ARHGAP24: variants seen among roughly 807,000 people sequenced by gnomAD.
ARHGAP24 encodes the protein rho GTPase-activating protein 24.
A neutral mutation model predicts 76.4 loss-of-function variants in ARHGAP24; 50 were observed. The observed-to-expected ratio is 0.65, with a 90% CI of 0.52 to 0.83. ARHGAP24 has a LOEUF of 0.83. Ranked by LOEUF, ARHGAP24 falls within the 40% of genes least tolerant of loss-of-function variation. The pLI is 0.00. For synonymous variants in ARHGAP24, 345 were observed against 323.3 expected, an observed-to-expected ratio of 1.07 and a Z score of -0.72; for missense variants, 930 against 914.2, an observed-to-expected ratio of 1.02 and a Z score of -0.22.
intron 5 of ARHGAP24, among the ~76,000 whole-genome samples, chr4:85,945,784 A>G (rs1247006962): frequency 6.6e-6 from 1 of 151,548 alleles, no homozygotes; most frequent in African/African-American, 2.4e-5. Context: ...AAAAAATTAT[A>G]CATGAAAAGA....
chr4:85,615,276 A>G (rs546530099), intron 2 of ARHGAP24, among the ~76,000 whole-genome samples: 21 of 152,094 alleles, frequency 1.4e-4, no homozygotes, highest in Admixed American at 4.6e-4. Flanking sequence ...TTCACCTAAG[A>G]TTTATTACAT....
intron 3 of ARHGAP24, among the ~76,000 whole-genome samples, chr4:85,894,096 T>TA (rs139310412): frequency 0.41 from 21,778 of 53,668 alleles, 1,930 homozygotes; most frequent in South Asian, 0.51. Context: ...ACTTAGAGTA[T>TA]AATAAAAAAA....
chr4:85,713,531 T>A (rs1724610454), intron 2 of ARHGAP24, among the ~76,000 whole-genome samples: 1 of 152,138 alleles, frequency 6.6e-6, no homozygotes, highest in Admixed American at 6.5e-5. Context: ...GATGGATAAA[T>A]GAATAAGTGA....
At chr4:85,830,806 G>T (rs1388176427) in intron 3 of ARHGAP24, among the ~76,000 whole-genome samples, 1 of 152,204 alleles carries the variant, frequency 6.6e-6, no homozygotes, top group Non-Finnish European at 1.5e-5. Flanking sequence ...GACAGTCACT[G>T]GGCTCCTCAG....
chr4:85,723,937 A>G (rs1440464010), intron 3 of ARHGAP24, among the ~76,000 whole-genome samples: 1 of 152,250 alleles, frequency 6.6e-6, no homozygotes, highest in East Asian at 1.9e-4. Flanking sequence ...TAGGGATAAC[A>G]TAACAATTAC....
At chr4:85,703,592 C>T (rs1724185143) in intron 2 of ARHGAP24, among the ~76,000 whole-genome samples, 1 of 152,116 alleles carries the variant, frequency 6.6e-6, no homozygotes, top group African/African-American at 2.4e-5. Flanking sequence ...ATCCTTGCCT[C>T]TTCTGCCATG....
chr4:85,510,754 T>C (rs1724247990), intron 1 of ARHGAP24, among the ~76,000 whole-genome samples: 1 of 151,034 alleles, frequency 6.6e-6, no homozygotes, highest in African/African-American at 2.4e-5. Context: ...CAATAAGTCT[T>C]TAATACATTC....
chr4:85,551,459 T>C (rs1726134787), intron 1 of ARHGAP24, among the ~76,000 whole-genome samples: 1 of 152,226 alleles, frequency 6.6e-6, no homozygotes, highest in South Asian at 2.1e-4. Context: ...TTTGCATCTA[T>C]GTGCATCAAG....
intron 1 of ARHGAP24, among the ~76,000 whole-genome samples, chr4:85,511,915 A>G (rs1474274689): frequency 2.6e-5 from 4 of 152,136 alleles, no homozygotes; most frequent in Admixed American, 2.0e-4. Context: ...GCAGCTGCAT[A>G]ACTCTAATCT....
intron 3 of ARHGAP24, among the ~76,000 whole-genome samples, chr4:85,735,638 A>G (rs886914973): frequency 2.0e-5 from 3 of 151,736 alleles, no homozygotes; most frequent in African/African-American, 7.3e-5. Flanking sequence ...CTTCTCCCTT[A>G]CCTCGTCATG....
At chr4:85,734,853 A>G (rs952488044) in intron 3 of ARHGAP24, among the ~76,000 whole-genome samples, 3 of 152,024 alleles carry the variant, frequency 2.0e-5, no homozygotes, top group Non-Finnish European at 4.4e-5. Context: ...AACTGATGCA[A>G]ATCAGTTATT....
intron 2 of ARHGAP24, among the ~76,000 whole-genome samples, chr4:85,625,446 A>G (rs1202215056): frequency 6.6e-6 from 1 of 152,106 alleles, no homozygotes; most frequent in Non-Finnish European, 1.5e-5. Flanking sequence ...ACAGTTTGTT[A>G]TAATTTCTGT....
intron 3 of ARHGAP24, among the ~76,000 whole-genome samples, chr4:85,901,935 C>T (rs181156558): frequency 4.3e-4 from 65 of 152,114 alleles, no homozygotes; most frequent in Admixed American, 3.0e-3. Context: ...TTTTAAGCCC[C>T]GCATGCATTA....
intron 3 of ARHGAP24, among the ~76,000 whole-genome samples, chr4:85,908,453 T>G (rs1734891948): frequency 6.6e-6 from 1 of 152,188 alleles, no homozygotes; most frequent in Non-Finnish European, 1.5e-5. Context: ...TTGTAAGTTA[T>G]TATGTTTTTC....
intron 2 of ARHGAP24, among the ~76,000 whole-genome samples, chr4:85,691,927 G>A (rs1723676775): frequency 5.9e-5 from 9 of 152,062 alleles, no homozygotes; most frequent in Admixed American, 5.9e-4. Flanking sequence ...TAGTGTCTGT[G>A]GGCTATGTAC....
In ARHGAP24 at chr4:85,740,474, C is replaced by T. The variant is rs758745882; in HGVS notation, c.268+18502C>T. On this transcript the variant is annotated intron_variant, in intron 3 of 9. Transcript: ENST00000395184. The stretch of plus-strand genomic sequence containing the variant: ...CTGACCTCAAGTCATCTGCCTGCCT[C>T]GGCCTTATATAGGGGTGAGTCACCC... Among the ~76,000 whole-genome samples the T allele has an allele frequency of 5.9e-5, 9 of 152,188 alleles. 1 individual carries two copies. The highest frequency in any genetic ancestry group is 4.1e-4 in the South Asian group (2 of 4,826).
intron 2 of ARHGAP24, among the ~76,000 whole-genome samples, chr4:85,636,317 T>C (rs1721305698): frequency 6.6e-6 from 1 of 151,932 alleles, no homozygotes; most frequent in Admixed American, 6.6e-5. Context: ...AAATTAATAA[T>C]ATAAGCTTCA....
At chr4:85,779,741 GC>G (rs1158762860) in intron 3 of ARHGAP24, among the ~76,000 whole-genome samples, 1 of 152,214 alleles carries the variant, frequency 6.6e-6, no homozygotes, top group East Asian at 1.9e-4. Context: ...AAGGGGAATA[GC>G]CCAATGCGGC....
intron 3 of ARHGAP24, among the ~76,000 whole-genome samples, chr4:85,737,290 C>T (rs1725640972): frequency 6.6e-6 from 1 of 152,142 alleles, no homozygotes. Context: ...CCTGTAGACT[C>T]TAGTGGATTT....
Sources: gnomAD v4.1 joint callset for allele counts (sites outside exome capture counted in the v4.1 genomes callset) on GRCh38, gnomAD v4.1.1 for gene constraint, MANE v1.5 for transcripts, NCBI Gene and HGNC (gene_info 2026-07-23, HGNC 2026-07-21) for gene names.